Variants in TECTB observed in about 807,000 individuals in gnomAD.
The protein encoded by TECTB is tectorin beta.
Under a neutral mutation model 43.3 loss-of-function variants are expected in TECTB, and 45 were observed. The ratio of observed to expected loss-of-function variants is 1.04; its 90% CI spans 0.82 to 1.33. The LOEUF is 1.33. TECTB is among the 40% of genes most tolerant of loss of function. The pLI is 0.00. For synonymous variants in TECTB, 169 were observed against 156.7 expected (o/e 1.08, Z -0.59); for missense variants, 399 against 404.7 (o/e 0.99, Z 0.12).
chr10:112,295,414 G>A (rs1564709063), intron 7 of TECTB, among the ~76,000 whole-genome samples: 1 of 152,276 alleles, frequency 6.6e-6, no homozygotes, highest in East Asian at 1.9e-4. Context: ...TTATTTTATA[G>A]AGGAGAAAAC....
chr10:112,295,145 A>G (rs1321580100), intron 7 of TECTB, among the ~76,000 whole-genome samples: 2 of 152,184 alleles, frequency 1.3e-5, no homozygotes, highest in African/African-American at 4.8e-5. Context: ...CAAAGAAGAG[A>G]TCATTCTCTA....
At position 112,286,200 on chromosome 10, in the gene TECTB, G is replaced by A. The variant is rs1444785142; in HGVS notation, c.397G>A (p.Ala133Thr). 4.3e-6 allele frequency: 7 copies of A among 1,614,054 alleles called. No individual in the cohort carries two copies. The highest frequency in any genetic ancestry group is 5.9e-6 in the Non-Finnish European group (7 of 1,180,008). Residue 133 changes from alanine to threonine, a missense_variant, in exon 4 of 11, where the codon GCC becomes ACC. Ala to Thr is a moderately conservative substitution (Grantham distance 58). Transcript: ENST00000646139. ...YHSTYLVNQAAFDQRVATVHV... is the reference protein window; with the variant it reads ...YHSTYLVNQATFDQRVATVHV... The stretch of plus-strand genomic sequence containing the variant: ...CTCCACCTACTTGGTGAACCAGGCT[G>A]CCTTTGACCAGAGGTAAGTTGCTGT...
Position 112,284,700 on chromosome 10 carries a change from AG to A in TECTB, c.243del (p.Lys81AsnfsTer28). On this transcript the variant is annotated frameshift_variant, in exon 3 of 11. Transcript: ENST00000646139. LOFTEE classifies it high-confidence loss of function. Reference sequence around the variant, plus strand: ...ATCCCAGATTTATCACCTAAAAACAAGTCCTATTGTGGAACCCAGTCTGAGG... The same window carrying A: ...ATCCCAGATTTATCACCTAAAAACAATCCTATTGTGGAACCCAGTCTGAGG... ...FVIPDLSPKN[K>X]SYCGTQSEYK... 6.2e-7 allele frequency: 1 copy of A among 1,606,908 alleles called. No individual in the cohort carries two copies. The highest frequency in any genetic ancestry group is 8.5e-7 in the Non-Finnish European group (1 of 1,176,262).
intron 10 of TECTB, 82 bp from the exon 11 acceptor site, chr10:112,303,181 C>G: frequency 6.5e-7 from 1 of 1,531,494 alleles, no homozygotes; most frequent in Non-Finnish European, 9.0e-7. Flanking sequence ...ATGAAGACCC[C>G]TGAGTTAACT....
intron 5 of TECTB, among the ~76,000 whole-genome samples, chr10:112,293,346 G>C (rs1848516367): frequency 6.6e-6 from 1 of 152,226 alleles, no homozygotes; most frequent in Non-Finnish European, 1.5e-5. Context: ...CAGGCAAAAA[G>C]TAGCAACGAG....
chr10:112,283,999 C>T (rs1300913631), intron 2 of TECTB, among the ~76,000 whole-genome samples, 189 bp downstream of exon 2: 7 of 152,098 alleles, frequency 4.6e-5, no homozygotes, highest in Non-Finnish European at 1.0e-4. Flanking sequence ...ATTGGATAAA[C>T]TCGGACTTTT....
chr10:112,302,609 T>TA (rs1174230026), intron 10 of TECTB: 1 of 320,968 alleles, frequency 3.1e-6, no homozygotes. Flanking sequence ...TATAGATATT[T>TA]AATTACAGCT....
Position 112,293,741 on chromosome 10 carries a change from G to A in TECTB, c.487G>A (p.Ala163Thr), listed in dbSNP as rs778395639. 4 of 1,613,944 alleles carry A rather than the reference G, an allele frequency of 2.5e-6. No individual in the cohort carries two copies. Among genetic ancestry groups the A allele is most frequent in the East Asian group, 4.5e-5 (2 of 44,874 alleles). ...SQLSLNFYTN[A>T]KFSIKKEAPF... ...CAGTGTCAATTTCCTTCCAAAGAAT[G>A]CCAAGTTCTCCATCAAGAAAGAAGC... The change falls in exon 6 of 11, where the codon GCC becomes ACC. Residue 163 changes from alanine to threonine, a missense_variant. Coordinates refer to ENST00000646139, the MANE Select transcript of TECTB (RefSeq NM_058222.3).
chr10:112,290,087 T>C (rs1848485523), intron 5 of TECTB, among the ~76,000 whole-genome samples: 1 of 152,108 alleles, frequency 6.6e-6, no homozygotes, highest in Non-Finnish European at 1.5e-5. Context: ...AATAAACAAT[T>C]CTTAAGTTTT....
At chr10:112,302,281 G>C (rs1252993809) in intron 10 of TECTB, 148 bp downstream of exon 10, 6 of 893,352 alleles carry the variant, frequency 6.7e-6, no homozygotes, top group Non-Finnish European at 1.0e-5. Context: ...CGCAGAGGGG[G>C]CGAGATCAAG....
At chr10:112,293,354 G>A (rs369435386) in intron 5 of TECTB, among the ~76,000 whole-genome samples, 22 of 152,222 alleles carry the variant, frequency 1.4e-4, no homozygotes, top group Admixed American at 1.3e-3. Context: ...AAGTAGCAAC[G>A]AGTGAGGGCA....
chr10:112,286,143 C>G lies in TECTB; in HGVS notation c.340C>G (p.Pro114Ala). Residue 114 changes from proline (P) to alanine (A), a missense_variant, in exon 4 of 11, where the codon CCT becomes GCT. Pro to Ala is a conservative substitution (Grantham distance 27). Coordinates refer to ENST00000646139, the MANE Select transcript of TECTB (RefSeq NM_058222.3). ...CACCACAGTGATTGTAAAAAACCAGCCTGTCAACTACTCCTTCTCCTGCAC... is the reference window on the plus strand; with the variant it reads ...CACCACAGTGATTGTAAAAAACCAGGCTGTCAACTACTCCTTCTCCTGCAC... ...NDTTVIVKNQ[P>A]VNYSFSCTYH... The G allele has an allele frequency of 6.2e-7, 1 of 1,614,144 alleles. No homozygotes were observed. The highest frequency in any genetic ancestry group is 8.5e-7 in the Non-Finnish European group (1 of 1,179,996).
intron 5 of TECTB, among the ~76,000 whole-genome samples, chr10:112,289,467 TG>T (rs1848480651): frequency 6.6e-6 from 1 of 152,190 alleles, no homozygotes; most frequent in Non-Finnish European, 1.5e-5. Context: ...AATATTGCTG[TG>T]GGGTGGCCTC....
In TECTB at chr10:112,304,558, A is replaced by T. The variant is rs575813411; in HGVS notation, c.*1246A>T. 1 of 152,240 alleles carries T rather than the reference A, an allele frequency of 6.6e-6. No individual in the cohort carries two copies. The highest frequency in any genetic ancestry group is 1.5e-5 in the Non-Finnish European group (1 of 68,044). 9.4% of individuals were successfully genotyped at this position (152,240 alleles called of 1,614,324 possible). On this transcript the variant is annotated 3_prime_UTR_variant, in exon 11 of 11. Transcript: ENST00000646139. ...GAGTTCTAAGTCCTTAGTTATGTAA[A>T]GACTTAATTAGTAGGCTTATAATTT... is the stretch of plus-strand genomic sequence containing the variant.
In TECTB at chr10:112,284,619, C is replaced by G; in HGVS notation, c.161C>G (p.Ala54Gly). ...TATGGATGGGAAGTTCATCAGCTGG[C>G]CCTCGGAGGGCTGTGTTACAATGGG... ...CPYGWEVHQL[A>G]LGGLCYNGVH... is the part of the protein sequence containing the mutation. Residue 54 changes from alanine to glycine, a missense_variant, in exon 3 of 11, where the codon GCC (alanine) becomes GGC (glycine). Coordinates refer to ENST00000646139, the MANE Select transcript of TECTB (RefSeq NM_058222.3). The G allele has an allele frequency of 5.0e-6, 8 of 1,613,722 alleles. No homozygotes were observed. The highest frequency in any genetic ancestry group is 6.8e-6 in the Non-Finnish European group (8 of 1,179,818).
rs1220112049 is a variant in TECTB, at chr10:112,293,999, C to A, written c.609C>A (p.Ser203Arg). ...LSIRFKVVLN[S>R]CWATPSADFM... ...CCAGGTTTAAAGTGGTCTTGAACAG[C>A]TGTTGGGCCACCCCCTCGGCTGACT... The change falls in exon 7 of 11, where the codon AGC becomes AGA. Residue 203 changes from serine to arginine, a missense_variant. Transcript: ENST00000646139. The A allele has an allele frequency of 3.1e-6, 5 of 1,614,066 alleles. No homozygotes were observed. Among genetic ancestry groups the A allele is most frequent in the African/African-American group, 1.3e-5 (1 of 74,930 alleles).
At chr10:112,286,007 C>T (rs1848450455) in intron 3 of TECTB, 64 bp from the exon 4 acceptor site, 2 of 1,597,612 alleles carry the variant, frequency 1.3e-6, no homozygotes, top group African/African-American at 1.3e-5. Context: ...TGCACTTTTC[C>T]CAGAACCCTC....
At chr10:112,302,339 G>A (rs1472327635) in intron 10 of TECTB, 1 of 522,176 alleles carries the variant, frequency 1.9e-6, no homozygotes, top group Non-Finnish European at 3.3e-6. Flanking sequence ...GGGAGGAACC[G>A]AAGGTAAATC....
intron 7 of TECTB, among the ~76,000 whole-genome samples, chr10:112,296,078 C>G (rs1848544523): frequency 6.6e-6 from 1 of 152,116 alleles, no homozygotes; most frequent in Admixed American, 6.5e-5. Context: ...GAGATACATG[C>G]ACAAAGTTCA....
Sources: allele counts gnomAD v4.1 joint callset (sites outside exome capture counted in the v4.1 genomes callset), GRCh38; gene constraint gnomAD v4.1.1; transcripts MANE v1.5; gene names NCBI Gene and HGNC (gene_info 2026-07-23, HGNC 2026-07-21).